CTNND2: variants seen among roughly 807,000 people sequenced by gnomAD.
CTNND2 encodes the protein catenin delta-2.
CTNND2 carries 22 observed loss-of-function variants against 144.4 expected under a neutral mutation model. That is an observed-to-expected ratio of 0.15 (90% CI 0.11 to 0.22). The LOEUF (loss-of-function observed/expected upper bound fraction) is 0.22. Ranked by LOEUF, CTNND2 falls within the 10% of genes least tolerant of loss-of-function variation. CTNND2 has a pLI of 1.00. For synonymous variants in CTNND2, 751 were observed against 695.6 expected, an observed-to-expected ratio of 1.08 and a Z score of -1.25; for missense variants, 1,353 against 1,618.8, an observed-to-expected ratio of 0.84 and a Z score of 2.82.
At chr5:11,030,511 T>C (rs1233771379) in intron 16 of CTNND2, among the ~76,000 whole-genome samples, 1 of 152,134 alleles carries the variant, frequency 6.6e-6, no homozygotes, top group African/African-American at 2.4e-5. Context: ...TTCTGCCTGC[T>C]CAAATCTGCC....
chr5:11,759,007 A>G (rs1789104933), intron 1 of CTNND2, among the ~76,000 whole-genome samples: 1 of 152,086 alleles, frequency 6.6e-6, no homozygotes. Flanking sequence ...AAAATATTAA[A>G]CAAATTTAAA....
intron 1 of CTNND2, among the ~76,000 whole-genome samples, chr5:11,868,756 G>A (rs922718421): frequency 6.6e-6 from 1 of 152,098 alleles, no homozygotes; most frequent in Non-Finnish European, 1.5e-5. Context: ...AAAAAGACCT[G>A]AGCTAGCGTG....
intron 16 of CTNND2, among the ~76,000 whole-genome samples, chr5:11,040,211 A>T (rs757030077): frequency 3.3e-5 from 5 of 152,128 alleles, no homozygotes; most frequent in Non-Finnish European, 5.9e-5. Flanking sequence ...ACGCCATTGC[A>T]CTCTAGCCTG....
chr5:11,336,969 T>G (rs1291387490), intron 9 of CTNND2, among the ~76,000 whole-genome samples: 2 of 152,100 alleles, frequency 1.3e-5, no homozygotes, highest in Non-Finnish European at 2.9e-5. Context: ...GTCACCTGAA[T>G]TTTTTTGGTT....
At chr5:11,199,784 C>A in intron 10 of CTNND2, 123 bp from the exon 11 acceptor site, 1 of 668,330 alleles carries the variant, frequency 1.5e-6, no homozygotes, top group South Asian at 2.0e-5. Flanking sequence ...TTAAGGCATA[C>A]AAAAGGAAAC....
intron 1 of CTNND2, among the ~76,000 whole-genome samples, chr5:11,830,870 T>C (rs1793862095): frequency 6.6e-6 from 1 of 152,162 alleles, no homozygotes; most frequent in Non-Finnish European, 1.5e-5. Context: ...GAATCTTCAA[T>C]GTAGAAAAAT....
chr5:11,051,176 A>G (rs1215544848), intron 16 of CTNND2, among the ~76,000 whole-genome samples: 1 of 152,214 alleles, frequency 6.6e-6, no homozygotes, highest in African/African-American at 2.4e-5. Context: ...TTATTAACAT[A>G]TACTGCCATC....
At chr5:10,977,710 C>T (rs1446056863) in intron 21 of CTNND2, among the ~76,000 whole-genome samples, 2 of 152,230 alleles carry the variant, frequency 1.3e-5, no homozygotes, top group East Asian at 3.9e-4. Context: ...GCCTCGGCCT[C>T]CCAAAATGCT....
intron 12 of CTNND2, among the ~76,000 whole-genome samples, chr5:11,138,981 C>CTTT (rs3032103): frequency 6.7e-6 from 1 of 149,322 alleles, no homozygotes. Context: ...TAAAAGGAAA[C>CTTT]TTTTTTTTTT....
intron 18 of CTNND2, among the ~76,000 whole-genome samples, chr5:10,993,110 C>T (rs1365452438): frequency 6.6e-6 from 1 of 152,188 alleles, no homozygotes. Context: ...CTGTTGGCAA[C>T]CAGAATCCAG....
chr5:11,332,888 A>AG (rs1307387317), intron 9 of CTNND2, among the ~76,000 whole-genome samples: 1 of 152,172 alleles, frequency 6.6e-6, no homozygotes, highest in African/African-American at 2.4e-5. Flanking sequence ...TGGTTTTATA[A>AG]GGGGAAACCC....
intron 14 of CTNND2, among the ~76,000 whole-genome samples, chr5:11,103,725 T>TAA (rs33962989): frequency 3.3e-4 from 49 of 146,904 alleles, no homozygotes; most frequent in Middle Eastern, 3.6e-3. Context: ...CATACTATAT[T>TAA]AAAAAAAAAA....
At chr5:11,463,315 T>A (rs982533062) in intron 3 of CTNND2, among the ~76,000 whole-genome samples, 11 of 152,242 alleles carry the variant, frequency 7.2e-5, no homozygotes, top group Non-Finnish European at 1.3e-4. Flanking sequence ...TATATAAATA[T>A]GCAAATGTTC....
At chr5:11,745,116 T>C (rs1788237442) in intron 1 of CTNND2, among the ~76,000 whole-genome samples, 1 of 152,192 alleles carries the variant, frequency 6.6e-6, no homozygotes, top group African/African-American at 2.4e-5. Context: ...ATAACCTATA[T>C]ATAACGTACT....
At chr5:11,885,123 C>T (rs536067624) in intron 1 of CTNND2, among the ~76,000 whole-genome samples, 3 of 152,094 alleles carry the variant, frequency 2.0e-5, no homozygotes, top group Non-Finnish European at 4.4e-5. Context: ...TGTAGTTTTA[C>T]TTTTTGTTGC....
At chr5:11,537,675 T>C (rs1424333716) in intron 3 of CTNND2, among the ~76,000 whole-genome samples, 1 of 152,160 alleles carries the variant, frequency 6.6e-6, no homozygotes, top group African/African-American at 2.4e-5. Flanking sequence ...TTGGCACTTT[T>C]GTATGGTAGA....
chr5:11,488,029 C>T (rs1378057290), intron 3 of CTNND2, among the ~76,000 whole-genome samples: 1 of 152,202 alleles, frequency 6.6e-6, no homozygotes, highest in African/African-American at 2.4e-5. Context: ...TGTCCACCCA[C>T]ACTCATTCTC....
At chr5:11,869,735 CT>C (rs1315360154) in intron 1 of CTNND2, among the ~76,000 whole-genome samples, 1 of 152,144 alleles carries the variant, frequency 6.6e-6, no homozygotes, top group East Asian at 1.9e-4. Flanking sequence ...TTTATGTATG[CT>C]TTAATGCAAT....
At chr5:11,700,424 T>C (rs1785375705) in intron 2 of CTNND2, among the ~76,000 whole-genome samples, 1 of 152,044 alleles carries the variant, frequency 6.6e-6, no homozygotes, top group Non-Finnish European at 1.5e-5. Context: ...AACACAAAGA[T>C]TTAATTATTG....
Sources: gnomAD v4.1 joint callset for allele counts (sites outside exome capture counted in the v4.1 genomes callset) on GRCh38, gnomAD v4.1.1 for gene constraint, MANE v1.5 for transcripts, NCBI Gene and HGNC (gene_info 2026-07-23, HGNC 2026-07-21) for gene names.